ALDH6A1: variants seen among roughly 807,000 people sequenced by gnomAD.
ALDH6A1 encodes the protein methylmalonate-semialdehyde/malonate-semialdehyde dehydrogenase [acylating], mitochondrial.
A neutral mutation model predicts 62.6 loss-of-function variants in ALDH6A1; 43 were observed. The ratio of observed to expected loss-of-function variants is 0.69; its 90% confidence interval spans 0.54 to 0.89. ALDH6A1 has a LOEUF of 0.89. Among genes scored for constraint, ALDH6A1 ranks in the 40% least tolerant of loss-of-function variants. The probability of loss-of-function intolerance (pLI) is 0.00; values close to 1 mark genes in which losing one functional copy is unlikely to be tolerated. For synonymous variants in ALDH6A1, 194 were observed against 234.2 expected (o/e 0.83, Z 1.57); for missense variants, 551 against 661.3 (o/e 0.83, Z 1.83).
At chr14:74,073,917 CAAAAAAA>C (rs5809643) in intron 2 of ALDH6A1, among the ~76,000 whole-genome samples, 1 of 77,018 alleles carries the variant, frequency 1.3e-5, no homozygotes, top group African/African-American at 5.4e-5. Context: ...GACTCCATCT[CAAAAAAA>C]AAAAAAAAAA....
intron 10 of ALDH6A1, 79 bp from the exon 11 acceptor site, chr14:74,064,999 G>T: frequency 7.0e-7 from 1 of 1,425,164 alleles, no homozygotes; most frequent in Non-Finnish European, 9.8e-7. Flanking sequence ...TCAGAGACCA[G>T]TTTTAAATAC....
chr14:74,067,028 C>T, intron 8 of ALDH6A1, 142 bp from the exon 9 acceptor site: 1 of 817,196 alleles, frequency 1.2e-6, no homozygotes, highest in Non-Finnish European at 2.0e-6. Flanking sequence ...CCAGCCTGGG[C>T]AACAAAGTGA....
intron 1 of ALDH6A1, chr14:74,082,827 T>C (rs1458778610): frequency 3.3e-5 from 5 of 152,194 alleles, no homozygotes; most frequent in African/African-American, 1.2e-4. Flanking sequence ...AGAAAATACA[T>C]AGTGTCTGTT....
At chr14:74,067,302 G>T (rs994282218) in intron 8 of ALDH6A1, 78 bp downstream of exon 8, 5 of 1,521,930 alleles carry the variant, frequency 3.3e-6, no homozygotes, top group Non-Finnish European at 4.5e-6. Flanking sequence ...GTTCCCACTG[G>T]CCAAGGCCAG....
At chr14:74,081,287 T>C (rs1011651435) in intron 1 of ALDH6A1, 1 of 152,210 alleles carries the variant, frequency 6.6e-6, no homozygotes, top group African/African-American at 2.4e-5. Flanking sequence ...AAGTACTTAG[T>C]AAGCAATATT....
At chr14:74,080,897 C>T (rs116248071) in intron 1 of ALDH6A1, among the ~76,000 whole-genome samples, 135 of 152,334 alleles carry the variant, frequency 8.9e-4, no homozygotes, top group African/African-American at 3.2e-3. Flanking sequence ...GCTTAGAAAA[C>T]GCTACATAGT....
At chr14:74,070,923 GA>G (rs2060540459) in intron 6 of ALDH6A1, 1 of 452,860 alleles carries the variant, frequency 2.2e-6, no homozygotes, top group Non-Finnish European at 4.1e-6. Context: ...TCACACTGAA[GA>G]AAAAAGTTTC....
Position 74,060,528 on chromosome 14 carries a change from A to G in ALDH6A1, c.*114T>C, listed in dbSNP as rs1323094795. 7.2e-6 allele frequency: 6 copies of G among 828,622 alleles called. No individual in the cohort carries two copies. The Admixed American group carries it at 1.1e-4, about 16-fold the overall frequency. The allele number at this position is 828,622 out of a possible 1,614,324, so 51.3% of individuals were successfully genotyped here. ...GGTTAATAGTCCTGAGGAAGATTTT[A>G]GTTACAATGTATTCCAATCCCATCG... On this transcript the variant is annotated 3_prime_UTR_variant, in exon 12 of 12. Transcript: ENST00000553458.
chr14:74,071,601 G>A, intron 5 of ALDH6A1, 104 bp from the exon 6 acceptor site: 1 of 1,599,390 alleles, frequency 6.3e-7, no homozygotes, highest in Admixed American at 1.7e-5. Flanking sequence ...GGCCAATGAA[G>A]GGGTGCAGGG....
At chr14:74,067,332 AATGCCACAG>A in intron 8 of ALDH6A1, 39 bp downstream of exon 8, 2 of 1,606,532 alleles carry the variant, frequency 1.2e-6, no homozygotes, top group South Asian at 1.1e-5. Context: ...CCAAGAGCTT[AATGCCACAG>A]ATGCAAAATC....
chr14:74,057,988 A>G lies in ALDH6A1; in HGVS notation c.*2654T>C, dbSNP rs1595096668. ...AATTCCACTTGGAATATAGACAATA[A>G]TGACCTTTTATTTAACCCAGCCTAT... On this transcript the variant is annotated 3_prime_UTR_variant, in exon 12 of 12. Transcript: ENST00000553458. 1.2e-6 allele frequency: 1 copy of G among 802,108 alleles called. No homozygotes were observed. Among genetic ancestry groups the G allele is most frequent in the South Asian group, 5.5e-5 (1 of 18,216 alleles). 49.7% of individuals were successfully genotyped at this position (802,108 alleles called of 1,614,324 possible). A position where few individuals can be genotyped will look rare whatever the true frequency, so the allele number is the denominator to read the frequency against.
chr14:74,067,603 C>T, intron 7 of ALDH6A1, 34 bp from the exon 8 acceptor site: 2 of 1,608,500 alleles, frequency 1.2e-6, no homozygotes, highest in Non-Finnish European at 1.7e-6. Context: ...ATGAGTCTTC[C>T]TTGGCCAAAT....
chr14:74,066,088 G>A (rs2060459418), intron 9 of ALDH6A1: 3 of 154,336 alleles, frequency 1.9e-5, no homozygotes, highest in Admixed American at 1.3e-4. Flanking sequence ...AAATTGACAA[G>A]TCAATTATTT....
rs554160645 is a variant in ALDH6A1, at chr14:74,066,964, C to G, written c.1043-78G>C. The G allele has an allele frequency of 4.2e-6, 6 of 1,442,806 alleles. No homozygotes were observed. In the African/African-American group the frequency reaches 8.4e-5, roughly 20 times the overall value. The allele number at this position is 1,442,806 out of a possible 1,614,324, so 89.4% of individuals were successfully genotyped here. On this transcript the variant is annotated intron_variant, in intron 8 of 11. Coordinates refer to ENST00000553458, the MANE Select transcript of ALDH6A1 (RefSeq NM_005589.4). ...GCTGCCAGGGCTCATGCCTGTAATC[C>G]CAAAGCTTTAGGAGGCCAAGGCAGG...
In ALDH6A1 at chr14:74,071,803, T is replaced by C. The variant is rs45530937; in HGVS notation, c.427+93A>G. ...AGATATCATGGGATGGCAAAATCTA[T>C]GTAAAGGAAGAAGCAACCTCCCATT... On this transcript the variant is annotated intron_variant, in intron 5 of 11. Transcript: ENST00000553458. 112 of 1,508,598 alleles carry C rather than the reference T, an allele frequency of 7.4e-5. No individual in the cohort carries two copies. In the South Asian group the frequency reaches 8.9e-4, roughly 12 times the overall value. 93.5% of individuals were successfully genotyped at this position (1,508,598 alleles called of 1,614,324 possible).
At chr14:74,065,420 CT>C in intron 9 of ALDH6A1, 60 bp from the exon 10 acceptor site, 1 of 1,501,480 alleles carries the variant, frequency 6.7e-7, no homozygotes. Context: ...GTATTTTATG[CT>C]TATTTGGTAC....
At chr14:74,078,395 C>G in intron 1 of ALDH6A1, 1 of 362,738 alleles carries the variant, frequency 2.8e-6, no homozygotes, top group African/African-American at 2.1e-5. Context: ...GTCCTGTCTC[C>G]TAGGCTGGAA....
At chr14:74,071,834 A>G (rs2060553611) in intron 5 of ALDH6A1, 62 bp downstream of exon 5, 1 of 1,571,768 alleles carries the variant, frequency 6.4e-7, no homozygotes, top group African/African-American at 1.4e-5. Context: ...CCATTCTGCG[A>G]TCTTTGCCTC....
At chr14:74,081,496 A>T (rs1311061429) in intron 1 of ALDH6A1, among the ~76,000 whole-genome samples, 2 of 152,208 alleles carry the variant, frequency 1.3e-5, no homozygotes, top group East Asian at 3.8e-4. Context: ...ACATATTCAT[A>T]TAGTTTTTTG....
Sources: allele counts gnomAD v4.1 joint callset (sites outside exome capture counted in the v4.1 genomes callset), GRCh38; gene constraint gnomAD v4.1.1; transcripts MANE v1.5; gene names NCBI Gene and HGNC (gene_info 2026-07-23, HGNC 2026-07-21).